The following NBEA variants were observed in gnomAD, a reference collection of about 807,000 sequenced individuals.
NBEA encodes neurobeachin, also known as lysosomal-trafficking regulator 2.
In NBEA, 44 loss-of-function variants were observed where a neutral mutation model predicts 343.4. The observed-to-expected ratio is 0.13, with a 90% CI of 0.10 to 0.16. The LOEUF (loss-of-function observed/expected upper bound fraction) is 0.16, where lower values mean the gene tolerates loss of function less well. Among genes scored for constraint, NBEA ranks in the 10% least tolerant of loss-of-function variants. The pLI is 1.00. For missense variants in NBEA, 2,555 were observed against 3,631.3 expected (o/e 0.70, Z 7.62); for synonymous variants, 1,175 against 1,238.7 (o/e 0.95, Z 1.08).
chr13:35,390,076 T>C (rs1044488838), intron 38 of NBEA, among the ~76,000 whole-genome samples: 20 of 151,678 alleles, frequency 1.3e-4, no homozygotes, highest in Non-Finnish European at 2.9e-4. Flanking sequence ...TAAGATTATT[T>C]TGAATATTTA....
chr13:35,646,074 G>A, intron 50 of NBEA, 143 bp downstream of exon 50: 4 of 709,852 alleles, frequency 5.6e-6, no homozygotes, highest in Non-Finnish European at 9.5e-6. Context: ...TTTGGAAGGA[G>A]AAGCAAAGCT....
In NBEA at chr13:35,057,156, CTTCAAGCATACCTGGTT is replaced by C. The variant is rs2063299250; in HGVS notation, c.1092+1030_1092+1046del. Among the ~76,000 whole-genome samples, 7 of 152,256 alleles carry C rather than the reference CTTCAAGCATACCTGGTT, an allele frequency of 4.6e-5. No individual in the cohort carries two copies. In the South Asian group the frequency reaches 1.2e-3, roughly 27 times the overall value. ...CCTCCAAGCTCAATAATATACAACC[CTTCAAGCATACCTGGTT>C]TTATAAGAACTTACCTCTTAAACAC... is the stretch of plus-strand genomic sequence containing the variant. On this transcript the variant is annotated intron_variant, in intron 7 of 58. Coordinates refer to ENST00000379939, the MANE Select transcript of NBEA (RefSeq NM_001385012.1).
At chr13:35,422,430 C>T (rs1170326772) in intron 38 of NBEA, among the ~76,000 whole-genome samples, 12 of 151,646 alleles carry the variant, frequency 7.9e-5, no homozygotes, top group African/African-American at 2.4e-4. Context: ...TAGTCTGCTG[C>T]GAATGATGGT....
chr13:34,958,097 A>T (rs1456904510), intron 1 of NBEA, among the ~76,000 whole-genome samples: 1 of 152,072 alleles, frequency 6.6e-6, no homozygotes, highest in Non-Finnish European at 1.5e-5. Flanking sequence ...TATTGCCTTT[A>T]GGTTATTTTA....
At chr13:35,464,773 C>A (rs978132125) in intron 40 of NBEA, among the ~76,000 whole-genome samples, 1 of 152,174 alleles carries the variant, frequency 6.6e-6, no homozygotes, top group Admixed American at 6.5e-5. Flanking sequence ...TTAACCCTTT[C>A]TTCCTTATGT....
intron 36 of NBEA, among the ~76,000 whole-genome samples, chr13:35,325,159 A>T (rs2038453395): frequency 1.3e-5 from 2 of 152,022 alleles, no homozygotes; most frequent in Non-Finnish European, 2.9e-5. Context: ...TTCTTTTTTA[A>T]AAGAATTACT....
At chr13:34,983,805 C>A (rs2060446864) in intron 1 of NBEA, among the ~76,000 whole-genome samples, 1 of 152,156 alleles carries the variant, frequency 6.6e-6, no homozygotes, top group South Asian at 2.1e-4. Flanking sequence ...TGTCTGTTGG[C>A]TGCATAAATG....
chr13:35,530,441 A>G (rs2152998113), intron 41 of NBEA, among the ~76,000 whole-genome samples: 1 of 152,236 alleles, frequency 6.6e-6, no homozygotes, highest in East Asian at 1.9e-4. Flanking sequence ...CTGGGCTAAA[A>G]ATAAATAAAT....
intron 38 of NBEA, among the ~76,000 whole-genome samples, chr13:35,358,689 G>A (rs1300209952): frequency 6.6e-6 from 1 of 151,670 alleles, no homozygotes; most frequent in Non-Finnish European, 1.5e-5. Flanking sequence ...GTGCACTCCA[G>A]CCTGGGCAAC....
At chr13:35,264,442 G>A (rs898113871) in intron 34 of NBEA, among the ~76,000 whole-genome samples, 3 of 151,700 alleles carry the variant, frequency 2.0e-5, no homozygotes, top group South Asian at 2.1e-4. Context: ...AAGACATTAT[G>A]AAAAAAGAAA....
intron 39 of NBEA, among the ~76,000 whole-genome samples, chr13:35,437,402 C>T (rs758433097): frequency 1.8e-4 from 28 of 152,034 alleles, no homozygotes; most frequent in Non-Finnish European, 3.1e-4. Flanking sequence ...ATTATTAAAA[C>T]TTGGTTGACC....
chr13:35,027,364 G>A (rs975773582), intron 1 of NBEA, among the ~76,000 whole-genome samples: 2 of 151,604 alleles, frequency 1.3e-5, no homozygotes, highest in African/African-American at 4.8e-5. Context: ...ATCCTTACAA[G>A]CAATTTATGA....
At chr13:35,377,735 G>A (rs182970071) in intron 38 of NBEA, among the ~76,000 whole-genome samples, 1 of 152,212 alleles carries the variant, frequency 6.6e-6, no homozygotes. Flanking sequence ...GGAAGCATTT[G>A]ACTCTTGCCT....
rs2069586910 is a variant in NBEA, at chr13:35,161,841, G to A, written c.3953G>A (p.Arg1318His). 1.3e-5 allele frequency: 21 copies of A among 1,610,930 alleles called. No homozygotes were observed. Among genetic ancestry groups the A allele is most frequent in the East Asian group, 2.2e-5 (1 of 44,700 alleles). Residue 1318 changes from arginine to histidine, a missense_variant, in exon 23 of 59, where the codon CGC (arginine) becomes CAC (histidine). Transcript: ENST00000379939. ...RGMPMTEEQR[R>H]QFSPGPRTTM... ...ATGCCAATGACTGAGGAACAGCGAC[G>A]CCAGTTTAGCCCAGGTCCACGGACT...
intron 38 of NBEA, among the ~76,000 whole-genome samples, chr13:35,418,795 AAGG>A (rs2044104196): frequency 6.6e-6 from 1 of 152,006 alleles, no homozygotes; most frequent in African/African-American, 2.4e-5. Context: ...ATGAGAATAT[AAGG>A]AGAGTATTAT....
chr13:35,402,776 C>T (rs986807362), intron 38 of NBEA, among the ~76,000 whole-genome samples: 17 of 152,006 alleles, frequency 1.1e-4, no homozygotes, highest in African/African-American at 2.9e-4. Flanking sequence ...ACAAATAGGC[C>T]GGATTGCATT....
chr13:35,460,115 T>G (rs1444984788), intron 40 of NBEA, among the ~76,000 whole-genome samples: 1 of 152,234 alleles, frequency 6.6e-6, no homozygotes, highest in Non-Finnish European at 1.5e-5. Context: ...TACTTGTATT[T>G]AGGGGGAAAA....
At chr13:35,548,305 CT>C (rs1207281930) in intron 41 of NBEA, among the ~76,000 whole-genome samples, 1 of 152,154 alleles carries the variant, frequency 6.6e-6, no homozygotes. Context: ...AACTAACATA[CT>C]TTTTGGAGCT....
intron 34 of NBEA, among the ~76,000 whole-genome samples, chr13:35,275,833 A>T (rs2034544837): frequency 6.6e-6 from 1 of 152,172 alleles, no homozygotes; most frequent in South Asian, 2.1e-4. Context: ...TAGAATGGCG[A>T]TCATTAGAAA....
Sources: allele counts gnomAD v4.1 joint callset (sites outside exome capture counted in the v4.1 genomes callset), GRCh38; gene constraint gnomAD v4.1.1; transcripts MANE v1.5; gene names NCBI Gene and HGNC (gene_info 2026-07-23, HGNC 2026-07-21).